CACNB2: variants seen among roughly 807,000 people sequenced by gnomAD.
CACNB2 encodes voltage-dependent L-type calcium channel subunit beta-2.
Under a neutral mutation model 73.3 loss-of-function variants are expected in CACNB2, and 42 were observed. That is an observed-to-expected ratio of 0.57 (90% confidence interval 0.45 to 0.74). The LOEUF (loss-of-function observed/expected upper bound fraction) is 0.74. CACNB2 is among the 30% of genes least tolerant of loss of function. The pLI, the probability that CACNB2 is intolerant of heterozygous loss-of-function variation, is 0.00. For synonymous variants in CACNB2, 348 were observed against 310.3 expected (o/e 1.12, Z -1.28); for missense variants, 940 against 853.0 (o/e 1.10, Z -1.27).
intron 4 of CACNB2, among the ~76,000 whole-genome samples, chr10:18,500,351 A>T (rs981033096): frequency 6.6e-6 from 1 of 152,264 alleles, no homozygotes; most frequent in Non-Finnish European, 1.5e-5. Flanking sequence ...TATATTTATA[A>T]AACTGTTTGC....
chr10:18,182,359 G>A (rs1456995246), intron 2 of CACNB2, among the ~76,000 whole-genome samples: 1 of 151,230 alleles, frequency 6.6e-6, no homozygotes, highest in Non-Finnish European at 1.5e-5. Flanking sequence ...AGGTAGAAGG[G>A]GTAAAAATGT....
chr10:18,238,515 G>A (rs2036532531), intron 2 of CACNB2: 1 of 152,068 alleles, frequency 6.6e-6, no homozygotes, highest in Admixed American at 6.5e-5. Context: ...TCCATCCAAT[G>A]TGAACCTAAA....
chr10:18,342,993 C>T (rs375859056), intron 2 of CACNB2, among the ~76,000 whole-genome samples: 1 of 152,034 alleles, frequency 6.6e-6, no homozygotes, highest in Admixed American at 6.6e-5. Flanking sequence ...AAAGTCATTC[C>T]AAACCTCAAA....
rs769361412 is a variant in CACNB2, at chr10:18,402,007, G to A, written c.297G>A (p.Ala99=). 7 of 1,614,068 alleles carry A rather than the reference G, an allele frequency of 4.3e-6. No individual in the cohort carries two copies. In the South Asian group the frequency reaches 7.7e-5, roughly 18 times the overall value. ...EEDREAVRRE[A]ERQAQAQLEK... ...ACCGGGAGGCAGTGCGCAGAGAAGCGGAGCGGCAGGCCCAGGCACAGTTGG... is the reference window on the plus strand; with the variant it reads ...ACCGGGAGGCAGTGCGCAGAGAAGCAGAGCGGCAGGCCCAGGCACAGTTGG... The change falls in exon 3 of 14, where the codon GCG becomes GCA. Residue 99 remains alanine, a synonymous_variant. Transcript: ENST00000324631.
intron 2 of CACNB2, among the ~76,000 whole-genome samples, chr10:18,349,547 A>T (rs562982930): frequency 6.6e-6 from 1 of 152,174 alleles, no homozygotes; most frequent in Non-Finnish European, 1.5e-5. Context: ...ATTAAAATTG[A>T]TGACAATCTG....
chr10:18,218,694 C>G (rs1212110890), intron 2 of CACNB2, among the ~76,000 whole-genome samples: 1 of 151,976 alleles, frequency 6.6e-6, no homozygotes, highest in African/African-American at 2.4e-5. Flanking sequence ...ACAGTGAAAC[C>G]CCGTCTCTAC....
At chr10:18,174,663 C>T (rs527378313) in intron 2 of CACNB2, among the ~76,000 whole-genome samples, 2 of 152,192 alleles carry the variant, frequency 1.3e-5, no homozygotes, top group Admixed American at 6.5e-5. Context: ...CTTGGCCTCC[C>T]AAAGTGCTGA....
chr10:18,475,143 G>A (rs1466371462), intron 3 of CACNB2, among the ~76,000 whole-genome samples: 1 of 151,174 alleles, frequency 6.6e-6, no homozygotes, highest in Non-Finnish European at 1.5e-5. Flanking sequence ...GAACATCCAT[G>A]CCGTATCTAG....
chr10:18,324,983 A>G (rs1217445805), intron 2 of CACNB2, among the ~76,000 whole-genome samples: 3 of 152,246 alleles, frequency 2.0e-5, no homozygotes, highest in African/African-American at 7.2e-5. Context: ...CTTCATGAGC[A>G]TGTCGCCTGT....
At chr10:18,400,517 A>T (rs1213650521) in intron 2 of CACNB2, 2 of 940,444 alleles carry the variant, frequency 2.1e-6, no homozygotes, top group Non-Finnish European at 2.6e-6. Flanking sequence ...AAGGCGACAT[A>T]TGGAGCATGC....
Position 18,498,475 on chromosome 10 carries a change from GAAGT to G in CACNB2, c.456+2_456+5del. 1.2e-6 allele frequency: 2 copies of G among 1,613,948 alleles called. No individual in the cohort carries two copies. The highest frequency in any genetic ancestry group is 1.7e-6 in the Non-Finnish European group (2 of 1,179,896). On this transcript the variant is annotated splice_donor_variant and coding_sequence_variant, in exon 4 of 14. Transcript: ENST00000324631. LOFTEE classifies it high-confidence loss of function. The stretch of plus-strand genomic sequence containing the variant: ...AGCAAAAGATTTTCTGCATGTTAAG[GAAGT>G]AAGGAGAATAATTTCATTTTCTAAC...
intron 2 of CACNB2, among the ~76,000 whole-genome samples, chr10:18,335,572 G>A (rs569049768): frequency 9.2e-5 from 14 of 152,078 alleles, no homozygotes; most frequent in Non-Finnish European, 1.8e-4. Context: ...GCAACAGAGC[G>A]AGACTCTGTC....
intron 2 of CACNB2, among the ~76,000 whole-genome samples, chr10:18,189,538 A>C (rs958153662): frequency 6.6e-5 from 10 of 152,172 alleles, no homozygotes; most frequent in Admixed American, 5.9e-4. Flanking sequence ...TATTTTGTTC[A>C]ACAGAATTTT....
At chr10:18,177,545 C>T (rs2033669566) in intron 2 of CACNB2, among the ~76,000 whole-genome samples, 1 of 150,362 alleles carries the variant, frequency 6.7e-6, no homozygotes, top group Non-Finnish European at 1.5e-5. Context: ...CGCCACGGCA[C>T]TCCAGCCTGG....
rs2047205416 is a variant in CACNB2 at position 18,454,995 on chromosome 10, CTG to C, written c.334-43357_334-43356del. Among the ~76,000 whole-genome samples the C allele has an allele frequency of 2.7e-5, 4 of 150,186 alleles. 1 individual carries two copies. In the South Asian group the frequency reaches 8.4e-4, roughly 32 times the overall value. On this transcript the variant is annotated intron_variant, in intron 3 of 13. Transcript: ENST00000324631. ...AGTTCAAGGCTGCAGTGAGCTATGA[CTG>C]TGCCACTGCAGCCTTGGGTGACAGA...
chr10:18,145,851 T>C (rs1401877210), intron 1 of CACNB2, among the ~76,000 whole-genome samples: 3 of 152,194 alleles, frequency 2.0e-5, no homozygotes, highest in African/African-American at 7.2e-5. Context: ...TTTCCAAGCC[T>C]GGCAGGAGGT....
At position 18,359,975 on chromosome 10, in the gene CACNB2, A is replaced by C. The variant is rs530485125; in HGVS notation, c.214-41949A>C. Among the ~76,000 whole-genome samples the C allele has an allele frequency of 6.6e-5, 10 of 152,290 alleles. No individual in the cohort carries two copies. In the South Asian group the frequency reaches 2.1e-3, roughly 32 times the overall value. On this transcript the variant is annotated intron_variant, in intron 2 of 13. Transcript: ENST00000324631. ...AATTAAACTATTCTATATTCAAATT[A>C]AGCCATAAACATAGGAACTGGACTC...
intron 2 of CACNB2, among the ~76,000 whole-genome samples, chr10:18,388,633 C>A (rs1179607051): frequency 6.6e-6 from 1 of 152,090 alleles, no homozygotes; most frequent in Non-Finnish European, 1.5e-5. Context: ...TATTTTACTA[C>A]CAAATTACTG....
chr10:18,152,640 G>C (rs1374035387), intron 2 of CACNB2, among the ~76,000 whole-genome samples: 5 of 135,200 alleles, frequency 3.7e-5, no homozygotes, highest in Non-Finnish European at 7.7e-5. Flanking sequence ...CTGAGACAAA[G>C]AGATTGAACC....
Sources: gnomAD v4.1 joint callset for allele counts (sites outside exome capture counted in the v4.1 genomes callset) on GRCh38, gnomAD v4.1.1 for gene constraint, MANE v1.5 for transcripts, NCBI Gene and HGNC (gene_info 2026-07-23, HGNC 2026-07-21) for gene names.